Variants in ODF2 observed in about 807,000 individuals in gnomAD.
The protein encoded by ODF2 is outer dense fiber of sperm tails 2, also known as outer dense fiber protein 2.
Under a neutral mutation model 110.2 loss-of-function variants are expected in ODF2, and 47 were observed. That is an observed-to-expected ratio of 0.43 (90% CI 0.34 to 0.54). The LOEUF is 0.54. Among genes scored for constraint, ODF2 ranks in the 20% least tolerant of loss-of-function variants. ODF2 has a pLI of 0.03. For missense variants in ODF2, 812 were observed against 1,054.5 expected (o/e 0.77, Z 3.19); for synonymous variants, 352 against 397.7 (o/e 0.89, Z 1.37).
chr9:128,461,014 C>T (rs773789602), exon 4 of ODF2: 1 of 1,614,138 alleles, frequency 6.2e-7, no homozygotes, highest in South Asian at 1.1e-5. Context: ...AACCAAGGTA[C>T]CTTGGATGCC....
At chr9:128,455,273 C>G (rs746819120), upstream of ODF2, 21 of 1,523,114 alleles carry the variant, frequency 1.4e-5, 2 homozygotes, top group South Asian at 2.4e-4. Context: ...GGTAGTAGAC[C>G]GGGCGCGGAG....
chr9:128,493,477 A>G (rs1845026641), intron 16 of ODF2, among the ~76,000 whole-genome samples: 1 of 152,170 alleles, frequency 6.6e-6, no homozygotes. Flanking sequence ...TGGCATGCCT[A>G]TTTCATTCTA....
At chr9:128,456,110 G>T, upstream of ODF2, 1 of 1,547,010 alleles carries the variant, frequency 6.5e-7, no homozygotes. Flanking sequence ...GCTGCCGACC[G>T]GGTGTCGGAA....
exon 14 of ODF2, chr9:128,487,960 G>T: frequency 6.2e-7 from 1 of 1,614,040 alleles, no homozygotes. Flanking sequence ...GGATAGCCTG[G>T]TGGAGAGACT....
In ODF2 at chr9:128,484,830, C is replaced by T. The variant is rs1033052252; in HGVS notation, c.1234C>T (p.Arg412Ter). 2.5e-6 allele frequency: 4 copies of T among 1,613,984 alleles called. No individual in the cohort carries two copies. Among genetic ancestry groups the T allele is most frequent in the Non-Finnish European group, 3.4e-6 (4 of 1,179,992 alleles). Residue 412 changes from arginine (R) to a stop codon, truncating the protein, a stop_gained, in exon 12 of 21, where the codon CGA (arginine) becomes TGA (stop). Transcript: ENST00000604420. LOFTEE classifies it high-confidence loss of function. ...GAAGGCCATCCGAGCCCAGAAGGAG[C>T]GAGCCGAGAAGAGCGAGGAGTATGC...
At chr9:128,459,689 T>A in intron 3 of ODF2, 32 bp downstream of exon 2, 3 of 1,548,258 alleles carry the variant, frequency 1.9e-6, no homozygotes, top group Non-Finnish European at 2.7e-6. Flanking sequence ...CAGCCCTCTT[T>A]GGTCACCTTG....
In ODF2 at chr9:128,469,356, G is replaced by A; in HGVS notation, c.420+3G>A. On this transcript the variant is annotated splice_donor_region_variant and intron_variant, in intron 5 of 20. Coordinates refer to ENST00000604420, the Ensembl canonical transcript of ODF2. ...CGGTTGGTTGTCTGAAGTCTGAGGT[G>A]AGGGAGGTAGGGGGCTGGGATAGCT... The A allele has an allele frequency of 6.2e-7, 1 of 1,613,980 alleles. No individual in the cohort carries two copies. The highest frequency in any genetic ancestry group is 8.5e-7 in the Non-Finnish European group (1 of 1,179,860).
chr9:128,467,823 A>T (rs1321009003), intron 4 of ODF2, among the ~76,000 whole-genome samples: 12 of 150,456 alleles, frequency 8.0e-5, no homozygotes, highest in African/African-American at 1.5e-4. Flanking sequence ...TAAAATATTT[A>T]AAAAAATATT....
intron 8 of ODF2, among the ~76,000 whole-genome samples, chr9:128,475,532 T>C (rs1841075534): frequency 6.6e-6 from 1 of 152,216 alleles, no homozygotes; most frequent in Non-Finnish European, 1.5e-5. Context: ...ATAGTCACCA[T>C]GTTGAACAAT....
At position 128,494,191 on chromosome 9, in the gene ODF2, G is replaced by A. The variant is rs1213510909; in HGVS notation, c.1753-319G>A. ...CTCTTGATGCTTACTATACTTGTAT[G>A]GGGACAGCATCACCTATTTTACAGG... On this transcript the variant is annotated intron_variant, in intron 16 of 20. Transcript: ENST00000604420. The surrounding 1 kb of genome is among the most constrained non-coding windows in gnomAD (Gnocchi z 4.6). Among the ~76,000 whole-genome samples, 4 of 152,210 alleles carry A rather than the reference G, an allele frequency of 2.6e-5. No homozygotes were observed. The highest frequency in any genetic ancestry group is 5.9e-5 in the Non-Finnish European group (4 of 68,036).
At chr9:128,492,503 C>T (rs1196251291) in exon 15 of ODF2, 4 of 1,613,786 alleles carry the variant, frequency 2.5e-6, no homozygotes, top group Non-Finnish European at 3.4e-6. Context: ...CAGTGAAGAA[C>T]TATGAGGGGA....
chr9:128,457,091 ACCCGG>A, intron 1 of ODF2: 1 of 1,354,492 alleles, frequency 7.4e-7, no homozygotes, highest in Admixed American at 2.5e-5. Context: ...TCCGCGTGGG[ACCCGG>A]GCGCGGTGGT....
rs1326733520 is a variant in ODF2, at chr9:128,460,376, G to A, written c.124-566G>A. On this transcript the variant is annotated intron_variant, in intron 3 of 20. Coordinates refer to ENST00000604420, the Ensembl canonical transcript of ODF2. ...TCTGCTGGGATCTCTGCAGGAGCCT[G>A]CTGAATGATACTCCCGCCTTACTCC... 4 of 1,420,046 alleles carry A rather than the reference G, an allele frequency of 2.8e-6. No individual in the cohort carries two copies. In the African/African-American group the frequency reaches 4.3e-5, roughly 15 times the overall value. 88.0% of individuals were successfully genotyped at this position (1,420,046 alleles called of 1,614,324 possible).
chr9:128,466,095 C>T (rs374981298), intron 4 of ODF2, among the ~76,000 whole-genome samples: 4 of 151,580 alleles, frequency 2.6e-5, no homozygotes, highest in Admixed American at 6.6e-5. Flanking sequence ...GCCAAGATCG[C>T]GCCCCTGCAC....
At position 128,456,609 on chromosome 9, in the gene ODF2, G is replaced by A. The variant is rs1015695727; in HGVS notation, c.-209+354G>A. ...GCCGTCCCTTCTCTCCGCCGACAGA[G>A]GCTCTCCCTCGCTCTGCTGCCCGTC... On this transcript the variant is annotated intron_variant, in intron 1 of 20. Transcript: ENST00000604420. 3.5e-5 allele frequency: 53 copies of A among 1,519,486 alleles called. No individual in the cohort carries two copies. The East Asian group carries it at 7.3e-4, about 21-fold the overall frequency. 94.1% of individuals were successfully genotyped at this position (1,519,486 alleles called of 1,614,324 possible).
Position 128,494,607 on chromosome 9 carries a change from T to C in ODF2, c.1850T>C (p.Leu617Pro). ...AAGCTGGCTGAGTGCCAAGACCAAC[T>C]GCAGGGCTATGAGCGGAAGAACATC... The change falls in exon 17 of 21, where the codon CTG becomes CCG. Residue 617 changes from leucine (L) to proline (P), a missense_variant. Physicochemically the swap from Leu to Pro is moderately conservative, Grantham distance 98. Around this residue, in one of 5 missense-constraint regions of ODF2, gnomAD observed 165 missense variants for 293.4 expected, o/e 0.56. Transcript: ENST00000604420. This position sits in a 1 kb window ranked among gnomAD's most constrained non-coding sequence, Gnocchi z 4.6. 1 of 1,614,168 alleles carries C rather than the reference T, an allele frequency of 6.2e-7. No homozygotes were observed. Among genetic ancestry groups the C allele is most frequent in the East Asian group, 2.2e-5 (1 of 44,874 alleles).
intron 1 of ODF2, chr9:128,457,043 C>G (rs1309015625): frequency 1.7e-5 from 22 of 1,288,816 alleles, no homozygotes; most frequent in Non-Finnish European, 1.8e-5. Flanking sequence ...GCACGTCCGC[C>G]GGCGCCTCAG....
Position 128,468,608 on chromosome 9 carries a change from T to C in ODF2, c.250-575T>C, listed in dbSNP as rs542066916. ...CGCAATCTTGGCTCACTGCAACCTC[T>C]ACCTCCCGGGTTCAAGCGATCCTCC... On this transcript the variant is annotated intron_variant, in intron 4 of 20. Coordinates refer to ENST00000604420, the Ensembl canonical transcript of ODF2. Among the ~76,000 whole-genome samples, 30 of 152,044 alleles carry C rather than the reference T, an allele frequency of 2.0e-4. No individual in the cohort carries two copies. In the South Asian group the frequency reaches 5.6e-3, roughly 28 times the overall value.
intron 12 of ODF2, 26 bp downstream of exon 12, chr9:128,484,912 C>T: frequency 1.9e-6 from 3 of 1,608,410 alleles, no homozygotes; most frequent in South Asian, 1.1e-5. Context: ...TGCCCAGCTC[C>T]TCACCTGCCC....
Sources: allele counts gnomAD v4.1 joint callset (sites outside exome capture counted in the v4.1 genomes callset), GRCh38; gene constraint gnomAD v4.1.1; regional missense constraint gnomAD v4.1.1; non-coding constraint Gnocchi (gnomAD v3.1); transcripts MANE v1.5; gene names NCBI Gene and HGNC (gene_info 2026-07-23, HGNC 2026-07-21).